DPH6: variants seen among roughly 807,000 people sequenced by gnomAD.
The protein encoded by DPH6 is diphthine--ammonia ligase.
In DPH6, 33 loss-of-function variants were observed where a neutral mutation model predicts 38.2. The ratio of observed to expected loss-of-function variants is 0.86; its 90% CI spans 0.65 to 1.15. The LOEUF is 1.15. Ranked by LOEUF, DPH6 falls within the 50% of genes most tolerant of loss-of-function variation. The probability of loss-of-function intolerance (pLI) is 0.00; values close to 1 mark genes in which losing one functional copy is unlikely to be tolerated. For synonymous variants in DPH6, 108 were observed against 103.0 expected, an observed-to-expected ratio of 1.05 and a Z score of -0.30; for missense variants, 325 against 320.0, an observed-to-expected ratio of 1.02 and a Z score of -0.12.
chr15:35,299,858 C>T (rs1469717270), intron 3 of DPH6, among the ~76,000 whole-genome samples: 1 of 152,174 alleles, frequency 6.6e-6, no homozygotes, highest in Non-Finnish European at 1.5e-5. Flanking sequence ...AAAATATAAA[C>T]TCTATCAGGC....
chr15:35,447,803 A>C (rs1490604983), intron 5 of DPH6, among the ~76,000 whole-genome samples: 1 of 125,626 alleles, frequency 8.0e-6, no homozygotes, highest in Non-Finnish European at 1.8e-5. Context: ...CAAAACTAAC[A>C]AAAAAAAAAT....
chr15:35,520,311 A>G, intron 3 of DPH6: 1 of 980,134 alleles, frequency 1.0e-6, no homozygotes. Flanking sequence ...TAAAAACTCA[A>G]AGTAAAATAG....
rs193198103 is a variant in DPH6 at position 35,527,970 on chromosome 15, G to A, written c.312+10304C>T. Among the ~76,000 whole-genome samples the A allele has an allele frequency of 1.1e-4, 16 of 152,260 alleles. No homozygotes were observed. In the East Asian group the frequency reaches 2.5e-3, roughly 24 times the overall value. Reference sequence around the variant, plus strand: ...GAGAAAGACCAGAAGTAAACTTTAAGGGGTCAATTAATTTATAGGTCTAAA... The same window carrying A: ...GAGAAAGACCAGAAGTAAACTTTAAAGGGTCAATTAATTTATAGGTCTAAA... On this transcript the variant is annotated intron_variant, in intron 3 of 8. Coordinates refer to ENST00000256538, the MANE Select transcript of DPH6 (RefSeq NM_080650.4).
chr15:35,267,851 C>G (rs941849220), intron 3 of DPH6, among the ~76,000 whole-genome samples: 1 of 152,034 alleles, frequency 6.6e-6, no homozygotes, highest in Non-Finnish European at 1.5e-5. Flanking sequence ...CAAAGCAAAA[C>G]TGTTTGAATT....
chr15:35,248,345 C>T (rs2051649592), intron 3 of DPH6, among the ~76,000 whole-genome samples: 1 of 152,136 alleles, frequency 6.6e-6, no homozygotes, highest in Admixed American at 6.5e-5. Context: ...AAGAACTGGC[C>T]GTAAAGCAAT....
chr15:35,346,964 T>A (rs939705140), intron 3 of DPH6, among the ~76,000 whole-genome samples: 2 of 152,100 alleles, frequency 1.3e-5, no homozygotes, highest in African/African-American at 2.4e-5. Flanking sequence ...ATTTACCCTT[T>A]AAAAAAATTT....
chr15:35,264,957 C>A (rs1415514716), intron 3 of DPH6, among the ~76,000 whole-genome samples: 1 of 152,080 alleles, frequency 6.6e-6, no homozygotes, highest in Non-Finnish European at 1.5e-5. Flanking sequence ...TTTGGAGAGT[C>A]TTGTCGAACA....
intron 3 of DPH6, among the ~76,000 whole-genome samples, chr15:35,281,761 A>G (rs528781035): frequency 1.3e-5 from 2 of 152,342 alleles, no homozygotes; most frequent in Admixed American, 6.5e-5. Context: ...GAGGGCCAAT[A>G]CAGCTTAAGG....
rs1396273538 is a variant in DPH6 at position 35,462,164 on chromosome 15, CACT to C, written c.313-7347_313-7345del. ...GATTCCAACCACTTCTCATCACCTCCACTACTACCACTCTAGTCCTAATGACCA... is the reference window on the plus strand; with the variant it reads ...GATTCCAACCACTTCTCATCACCTCCACTACCACTCTAGTCCTAATGACCA... On this transcript the variant is annotated intron_variant, in intron 3 of 8. Transcript: ENST00000256538. Among the ~76,000 whole-genome samples, 11 of 152,262 alleles carry C rather than the reference CACT, an allele frequency of 7.2e-5. No individual in the cohort carries two copies. In the East Asian group the frequency reaches 1.5e-3, roughly 21 times the overall value.
intron 6 of DPH6, among the ~76,000 whole-genome samples, chr15:35,384,546 C>T (rs1169758615): frequency 6.6e-6 from 1 of 152,016 alleles, no homozygotes; most frequent in Admixed American, 6.6e-5. Flanking sequence ...AAAAAAAATC[C>T]CAGCTACTCA....
chr15:35,389,584 A>C (rs528669967), intron 6 of DPH6, among the ~76,000 whole-genome samples: 1 of 152,078 alleles, frequency 6.6e-6, no homozygotes, highest in Non-Finnish European at 1.5e-5. Context: ...TGATCTGTTT[A>C]CCATTCTGTA....
At chr15:35,458,958 A>C (rs2054030351) in intron 3 of DPH6, among the ~76,000 whole-genome samples, 1 of 152,232 alleles carries the variant, frequency 6.6e-6, no homozygotes, top group Non-Finnish European at 1.5e-5. Flanking sequence ...GAGAGAGATA[A>C]GGAGAGAACC....
At chr15:35,200,577 G>A in the DPH6 span, among the ~76,000 whole-genome samples, 1 of 151,934 alleles carries the variant, frequency 6.6e-6, no homozygotes, top group Non-Finnish European at 1.5e-5. Context: ...GTTAGGCATT[G>A]TGCTAGGTGC....
In DPH6 at chr15:35,372,111, A is replaced by T; in HGVS notation, c.*39T>A. On this transcript the variant is annotated 3_prime_UTR_variant, in exon 9 of 9. Coordinates refer to ENST00000256538, the MANE Select transcript of DPH6 (RefSeq NM_080650.4). ...AAAATACTATGCAATTTTTTTGTAT[A>T]GAAATGGTGGTTTAATGAACAATGT... 6.7e-7 allele frequency: 1 copy of T among 1,495,928 alleles called. No individual in the cohort carries two copies. The highest frequency in any genetic ancestry group is 8.9e-7 in the Non-Finnish European group (1 of 1,126,710). 92.7% of individuals were successfully genotyped at this position (1,495,928 alleles called of 1,614,324 possible). A position where few individuals can be genotyped will look rare whatever the true frequency, so the allele number is the denominator to read the frequency against.
chr15:35,309,501 A>G (rs1420635810), intron 3 of DPH6, among the ~76,000 whole-genome samples: 1 of 152,222 alleles, frequency 6.6e-6, no homozygotes, highest in Non-Finnish European at 1.5e-5. Context: ...AATGAAAATT[A>G]GTTGTGTGAA....
chr15:35,404,634 T>C (rs887550305), intron 6 of DPH6, among the ~76,000 whole-genome samples: 2 of 152,184 alleles, frequency 1.3e-5, no homozygotes, highest in African/African-American at 4.8e-5. Context: ...AAATCTTTTA[T>C]CAGATGTGTA....
chr15:35,436,494 C>CA (rs375381054), intron 5 of DPH6, among the ~76,000 whole-genome samples: 10 of 9,154 alleles, frequency 1.1e-3, no homozygotes, highest in Admixed American at 9.7e-3. Flanking sequence ...CAAAACAAAA[C>CA]AAAACAAAAC....
intron 2 of DPH6, among the ~76,000 whole-genome samples, chr15:35,539,977 C>G (rs888976151): frequency 6.6e-6 from 1 of 152,018 alleles, no homozygotes; most frequent in Non-Finnish European, 1.5e-5. Context: ...AAAAACCTTT[C>G]GGCCTTCTCT....
rs541836705 is a variant in DPH6 at position 35,410,317 on chromosome 15, G to T, written c.567+518C>A. ...AAATATAGTACATTTAATAGAAAGA[G>T]TAAATGAAAACAACTGAATATTTAA... is the stretch of plus-strand genomic sequence containing the variant. On this transcript the variant is annotated intron_variant, in intron 6 of 8. Transcript: ENST00000256538. Among the ~76,000 whole-genome samples, 4 of 151,884 alleles carry T rather than the reference G, an allele frequency of 2.6e-5. No homozygotes were observed. The South Asian group carries it at 8.3e-4, about 31-fold the overall frequency.
Sources: gnomAD v4.1 joint callset for allele counts (sites outside exome capture counted in the v4.1 genomes callset) on GRCh38, gnomAD v4.1.1 for gene constraint, MANE v1.5 for transcripts, NCBI Gene and HGNC (gene_info 2026-07-23, HGNC 2026-07-21) for gene names.